Variants in CRY2 observed in about 807,000 individuals in gnomAD.
The protein encoded by CRY2 is cryptochrome circadian regulator 2, also known as cryptochrome-2.
Under a neutral mutation model 69.5 loss-of-function variants are expected in CRY2, and 31 were observed. The ratio of observed to expected loss-of-function variants is 0.45; its 90% CI spans 0.34 to 0.60. CRY2 has a LOEUF of 0.60. Among genes scored for constraint, CRY2 ranks in the 20% least tolerant of loss-of-function variants. CRY2 has a pLI of 0.02. For missense variants in CRY2, 606 were observed against 797.8 expected (o/e 0.76, Z 2.90); for synonymous variants, 303 against 312.2 (o/e 0.97, Z 0.31).
rs2086467635 is a variant in CRY2, at chr11:45,881,013, G to A, written c.*102G>A. On this transcript the variant is annotated 3_prime_UTR_variant, in exon 12 of 12. Coordinates refer to ENST00000616080, the MANE Select transcript of CRY2 (RefSeq NM_021117.5). ...AGAAGCTGATCACCGGGCAGAGATA[G>A]AGCGAGCATGTGTGTGTGTGTGCGC... The A allele has an allele frequency of 6.6e-6, 1 of 152,504 alleles. No individual in the cohort carries two copies. Among genetic ancestry groups the A allele is most frequent in the Non-Finnish European group, 1.5e-5 (1 of 68,244 alleles). 9.4% of individuals were successfully genotyped at this position (152,504 alleles called of 1,614,324 possible).
chr11:45,867,428 A>G (rs1565061080), intron 5 of CRY2, 184 bp from the exon 6 acceptor site: 4 of 660,158 alleles, frequency 6.1e-6, no homozygotes, highest in East Asian at 5.5e-5. Flanking sequence ...AGAGAATGAC[A>G]TAGACTCGTT....
chr11:45,847,751 G>A (rs1468497502), intron 1 of CRY2, 46 bp downstream of exon 1: 16 of 1,500,542 alleles, frequency 1.1e-5, no homozygotes, highest in Non-Finnish European at 1.4e-5. Flanking sequence ...CCAGGACCCT[G>A]ACCCTGGGGT....
chr11:45,867,416 T>A, intron 5 of CRY2, 196 bp from the exon 6 acceptor site: 1 of 603,808 alleles, frequency 1.7e-6, no homozygotes, highest in Non-Finnish European at 2.8e-6. Context: ...AAAGAGCAAG[T>A]CAGAGAATGA....
chr11:45,861,596 C>T (rs983780936), intron 4 of CRY2: 1 of 177,828 alleles, frequency 5.6e-6, no homozygotes, highest in Non-Finnish European at 1.2e-5. Flanking sequence ...CGCCTGCCAT[C>T]ACGCCCAGCT....
intron 2 of CRY2, chr11:45,858,393 C>A: frequency 4.4e-6 from 1 of 225,730 alleles, no homozygotes; most frequent in Non-Finnish European, 8.8e-6. Context: ...TGAGTCAGTG[C>A]CACTCTCTGG....
intron 10 of CRY2, 63 bp from the exon 11 acceptor site, chr11:45,872,029 T>C: frequency 6.3e-7 from 1 of 1,592,958 alleles, no homozygotes; most frequent in Non-Finnish European, 8.6e-7. Context: ...TGCTGCTGCA[T>C]AGTGTGGGAT....
At chr11:45,847,742 C>CAGGA (rs1206889385) in intron 1 of CRY2, 37 bp downstream of exon 1, 1 of 1,519,414 alleles carries the variant, frequency 6.6e-7, no homozygotes, top group African/African-American at 1.4e-5. Flanking sequence ...GGGACGCAGC[C>CAGGA]AGGACCCTGA....
intron 4 of CRY2, chr11:45,861,784 A>G (rs1475466703): frequency 7.2e-6 from 3 of 418,924 alleles, no homozygotes; most frequent in African/African-American, 6.1e-5. Flanking sequence ...CCTGAAAACC[A>G]CAGTTGTTGC....
At chr11:45,867,860 C>T in intron 6 of CRY2, 108 bp downstream of exon 6, 2 of 1,453,194 alleles carry the variant, frequency 1.4e-6, no homozygotes, top group Admixed American at 1.9e-5. Flanking sequence ...TGGGCTATGG[C>T]CCCTGGAAGG....
chr11:45,874,454 A>G (rs1387791329), intron 11 of CRY2, among the ~76,000 whole-genome samples: 1 of 152,164 alleles, frequency 6.6e-6, no homozygotes, highest in Admixed American at 6.5e-5. Flanking sequence ...TCAGCCATCA[A>G]TTCTTGATCA....
chr11:45,853,199 T>A (rs1265242893), intron 1 of CRY2, among the ~76,000 whole-genome samples: 1 of 152,250 alleles, frequency 6.6e-6, no homozygotes, highest in African/African-American at 2.4e-5. Context: ...TAATATTACC[T>A]ACTTGATTGG....
chr11:45,852,624 C>A (rs1195181602), intron 1 of CRY2, among the ~76,000 whole-genome samples: 1 of 152,064 alleles, frequency 6.6e-6, no homozygotes, highest in Non-Finnish European at 1.5e-5. Context: ...CGGGTTGACT[C>A]GGGAGGGAAG....
At chr11:45,852,258 G>A (rs2086203669) in intron 1 of CRY2, among the ~76,000 whole-genome samples, 1 of 152,220 alleles carries the variant, frequency 6.6e-6, no homozygotes, top group African/African-American at 2.4e-5. Flanking sequence ...TGCCAAGGGT[G>A]AAGTGCCAGC....
chr11:45,872,561 C>G (rs2086394548), intron 11 of CRY2, among the ~76,000 whole-genome samples: 1 of 152,000 alleles, frequency 6.6e-6, no homozygotes, highest in Admixed American at 6.6e-5. Context: ...GCCAAACCAA[C>G]ATAGTGAGAC....
intron 10 of CRY2, 76 bp downstream of exon 10, chr11:45,871,010 G>A: frequency 7.9e-7 from 1 of 1,267,162 alleles, no homozygotes; most frequent in Non-Finnish European, 1.1e-6. Context: ...ACTGAGGCCA[G>A]AAGGAGGCCT....
rs373099993 is a variant in CRY2, at chr11:45,847,536, G to C, written c.46G>C (p.Ala16Pro). ...ATAAAVAPAP[A>P]PGTDSASSVH... ...GGCGGCAGCTGTGGCCCCGGCGCCA[G>C]CGCCCGGCACGGACAGCGCCTCTTC... The change falls in exon 1 of 12, where the codon GCG becomes CCG. Residue 16 changes from alanine (A) to proline (P), a missense_variant. Transcript: ENST00000616080. 1 of 1,586,998 alleles carries C rather than the reference G, an allele frequency of 6.3e-7. No individual in the cohort carries two copies. Among genetic ancestry groups the C allele is most frequent in the Non-Finnish European group, 8.5e-7 (1 of 1,170,904 alleles).
At chr11:45,868,067 T>C in intron 6 of CRY2, 1 of 309,390 alleles carries the variant, frequency 3.2e-6, no homozygotes, top group Non-Finnish European at 6.1e-6. Flanking sequence ...AGGGGCGAGG[T>C]CCCCAGGGTG....
chr11:45,869,875 G>A (rs1029254197), intron 7 of CRY2, 58 bp downstream of exon 7: 4 of 1,545,764 alleles, frequency 2.6e-6, no homozygotes, highest in Admixed American at 1.9e-5. Flanking sequence ...CCGTCAAAGG[G>A]CAGCCCCCTT....
At chr11:45,856,144 C>G in intron 2 of CRY2, 54 bp downstream of exon 2, 1 of 1,358,570 alleles carries the variant, frequency 7.4e-7, no homozygotes, top group Non-Finnish European at 1.1e-6. Context: ...TGACGGTTTC[C>G]CCACAGCCTG....
Sources: gnomAD v4.1 joint callset for allele counts (sites outside exome capture counted in the v4.1 genomes callset) on GRCh38, gnomAD v4.1.1 for gene constraint, MANE v1.5 for transcripts, NCBI Gene and HGNC (gene_info 2026-07-23, HGNC 2026-07-21) for gene names.